NOX4: variants seen among roughly 807,000 people sequenced by gnomAD.
NOX4 encodes kidney oxidase-1.
A neutral mutation model predicts 87.6 loss-of-function variants in NOX4; 69 were observed. That is an observed-to-expected ratio of 0.79 (90% CI 0.65 to 0.96). NOX4 has a LOEUF of 0.96. NOX4 is among the 40% of genes least tolerant of loss of function. The probability of loss-of-function intolerance (pLI) is 0.00; values close to 1 mark genes in which losing one functional copy is unlikely to be tolerated. For synonymous variants in NOX4, 275 were observed against 238.2 expected, an observed-to-expected ratio of 1.15 and a Z score of -1.42; for missense variants, 680 against 681.5, an observed-to-expected ratio of 1.00 and a Z score of 0.02.
the NOX4 span, among the ~76,000 whole-genome samples, chr11:89,569,957 A>C: frequency 1.9e-4 from 29 of 151,096 alleles, no homozygotes; most frequent in Non-Finnish European, 3.5e-4. Context: ...AGCCAAGATC[A>C]TGCCACTGCA....
intron 12 of NOX4, among the ~76,000 whole-genome samples, chr11:89,362,848 G>C (rs554856175): frequency 6.6e-6 from 1 of 151,882 alleles, no homozygotes; most frequent in African/African-American, 2.4e-5. Flanking sequence ...TGAAATAGAA[G>C]GTACAAATGA....
At chr11:89,542,539 C>T in the NOX4 span, among the ~76,000 whole-genome samples, 1 of 152,148 alleles carries the variant, frequency 6.6e-6, no homozygotes, top group African/African-American at 2.4e-5. Flanking sequence ...AAATATTAAG[C>T]CAGGCAGATT....
intron 2 of NOX4, among the ~76,000 whole-genome samples, chr11:89,457,589 G>T (rs1221275398): frequency 6.6e-6 from 1 of 152,164 alleles, no homozygotes; most frequent in African/African-American, 2.4e-5. Context: ...AGGCAGTCCA[G>T]GAGTGCTAAG....
intron 5 of NOX4, among the ~76,000 whole-genome samples, chr11:89,441,714 G>C (rs1024899753): frequency 6.6e-6 from 1 of 152,002 alleles, no homozygotes; most frequent in Non-Finnish European, 1.5e-5. Flanking sequence ...AGAAAACCCA[G>C]AAGATGGAAC....
intron 9 of NOX4, 134 bp from the exon 10 acceptor site, chr11:89,400,513 T>C (rs1941773511): frequency 3.5e-6 from 2 of 572,010 alleles, no homozygotes; most frequent in Admixed American, 7.9e-5. Flanking sequence ...ACATAACAAA[T>C]GAGTAAAAAA....
At chr11:89,561,035 T>C in the NOX4 span, among the ~76,000 whole-genome samples, 224 of 49,020 alleles carry the variant, frequency 4.6e-3, no homozygotes, top group Middle Eastern at 0.041. Context: ...CACACACACA[T>C]ACACATATAT....
chr11:89,545,605 T>A, the NOX4 span: 1 of 151,778 alleles, frequency 6.6e-6, no homozygotes, highest in East Asian at 1.9e-4. Flanking sequence ...ATCACCAGAA[T>A]TACATTTAGA....
chr11:89,482,339 TG>T (rs1232408650), intron 2 of NOX4, among the ~76,000 whole-genome samples: 8 of 152,132 alleles, frequency 5.3e-5, no homozygotes, highest in Non-Finnish European at 1.0e-4. Context: ...CTGACAAAGT[TG>T]GTATTTGTAC....
At chr11:89,392,184 G>A (rs559730037) in intron 11 of NOX4, among the ~76,000 whole-genome samples, 1 of 152,148 alleles carries the variant, frequency 6.6e-6, no homozygotes, top group Non-Finnish European at 1.5e-5. Flanking sequence ...GAAAAAGTAA[G>A]AAAAGAAAAA....
intron 8 of NOX4, among the ~76,000 whole-genome samples, chr11:89,404,645 T>G (rs1209993809): frequency 6.6e-6 from 1 of 152,106 alleles, no homozygotes; most frequent in Non-Finnish European, 1.5e-5. Context: ...AAAGATGAAA[T>G]AATACCCCAG....
intron 8 of NOX4, among the ~76,000 whole-genome samples, chr11:89,412,149 G>T (rs1942514545): frequency 6.6e-6 from 1 of 152,044 alleles, no homozygotes; most frequent in African/African-American, 2.4e-5. Context: ...ACCCAAAACT[G>T]CAGCACACAA....
At chr11:89,498,581 T>A (rs11018633), upstream of NOX4, among the ~76,000 whole-genome samples, 4,854 of 152,262 alleles carry the variant, frequency 0.032, 165 homozygotes, top group African/African-American at 0.082. Context: ...TACCCTATTT[T>A]TCCACTTGCA....
intron 2 of NOX4, among the ~76,000 whole-genome samples, chr11:89,478,510 T>G (rs1946259062): frequency 6.6e-6 from 1 of 152,186 alleles, no homozygotes; most frequent in South Asian, 2.1e-4. Context: ...TTACCATAGT[T>G]GATATTTGAG....
At chr11:89,453,998 A>T (rs1350383168) in intron 2 of NOX4, among the ~76,000 whole-genome samples, 1 of 152,076 alleles carries the variant, frequency 6.6e-6, no homozygotes, top group East Asian at 1.9e-4. Flanking sequence ...AGCCCCAAAA[A>T]GGTTATTGTT....
In NOX4 at chr11:89,438,784, TATATAGTGTATA is replaced by T. The variant is rs1362262723; in HGVS notation, c.475+1892_475+1903del. 3.4e-5 allele frequency among the ~76,000 whole-genome samples: 2 copies of T among 58,042 alleles called. 1 individual carries two copies. The highest frequency in any genetic ancestry group is 1.5e-4 in the African/African-American group (2 of 13,166). 38.1% of individuals were successfully genotyped at this position (58,042 alleles called of 152,430 possible). On this transcript the variant is annotated intron_variant, in intron 6 of 17. Coordinates refer to ENST00000263317, the MANE Select transcript of NOX4 (RefSeq NM_016931.5). ...ATAATATAATATAATAATATAATAA[TATATAGTGTATA>T]ATATATTATATATTATATATATTAT...
chr11:89,382,993 A>C (rs1460001573), intron 11 of NOX4, among the ~76,000 whole-genome samples: 1 of 152,072 alleles, frequency 6.6e-6, no homozygotes, highest in East Asian at 1.9e-4. Context: ...CCAGAAGGTC[A>C]TCTTATTCTC....
At chr11:89,330,978 C>G (rs1292125822) in intron 17 of NOX4, among the ~76,000 whole-genome samples, 2 of 151,878 alleles carry the variant, frequency 1.3e-5, no homozygotes, top group African/African-American at 4.8e-5. Context: ...ACATCACTAT[C>G]AACCTATTGG....
At chr11:89,396,254 C>A (rs1280462388) in intron 11 of NOX4, among the ~76,000 whole-genome samples, 3 of 152,028 alleles carry the variant, frequency 2.0e-5, no homozygotes, top group Non-Finnish European at 4.4e-5. Context: ...GTATTTTATT[C>A]TCTTTGAAGC....
chr11:89,339,219 C>A (rs775801902), intron 15 of NOX4, among the ~76,000 whole-genome samples: 1 of 152,058 alleles, frequency 6.6e-6, no homozygotes, highest in Non-Finnish European at 1.5e-5. Flanking sequence ...TAAATCTATA[C>A]AATGAAATAC....
Sources: gnomAD v4.1 joint callset for allele counts (sites outside exome capture counted in the v4.1 genomes callset) on GRCh38, gnomAD v4.1.1 for gene constraint, MANE v1.5 for transcripts, NCBI Gene and HGNC (gene_info 2026-07-23, HGNC 2026-07-21) for gene names.